Variants in LYPLAL1 observed in about 807,000 individuals in gnomAD.
The protein encoded by LYPLAL1 is lysophospholipase-like protein 1.
A neutral mutation model predicts 19.7 loss-of-function variants in LYPLAL1; 23 were observed. The ratio of observed to expected loss-of-function variants is 1.17; its 90% CI spans 0.84 to 1.65. The LOEUF (loss-of-function observed/expected upper bound fraction) is 1.65. Among genes scored for constraint, LYPLAL1 ranks in the 40% most tolerant of loss-of-function variants. The probability of loss-of-function intolerance (pLI) is 0.00; values close to 1 mark genes in which losing one functional copy is unlikely to be tolerated. For synonymous variants in LYPLAL1, 119 were observed against 96.3 expected (o/e 1.24, Z -1.38); for missense variants, 355 against 279.4 (o/e 1.27, Z -1.93).
At chr1:219,360,694 A>T in the LYPLAL1 span, among the ~76,000 whole-genome samples, 1 of 152,260 alleles carries the variant, frequency 6.6e-6, no homozygotes, top group African/African-American at 2.4e-5. Context: ...AGGGAGATGT[A>T]AGAGGACACT....
chr1:219,228,516 A>G, the LYPLAL1 span, among the ~76,000 whole-genome samples: 8 of 151,738 alleles, frequency 5.3e-5, no homozygotes, highest in African/African-American at 1.9e-4. Flanking sequence ...ATTTTTTTTC[A>G]CGTGACATAA....
At chr1:219,279,067 G>T in the LYPLAL1 span, among the ~76,000 whole-genome samples, 1 of 152,128 alleles carries the variant, frequency 6.6e-6, no homozygotes, top group Non-Finnish European at 1.5e-5. Flanking sequence ...CCAGCATCAA[G>T]AATGCTCCCG....
intron 2 of LYPLAL1, among the ~76,000 whole-genome samples, chr1:219,179,754 T>C (rs1239744798): frequency 1.3e-5 from 2 of 152,196 alleles, no homozygotes; most frequent in African/African-American, 4.8e-5. Flanking sequence ...TTAATAAATA[T>C]TTAGGTTATA....
At chr1:219,367,121 T>C in the LYPLAL1 span, among the ~76,000 whole-genome samples, 2 of 152,088 alleles carry the variant, frequency 1.3e-5, no homozygotes, top group Non-Finnish European at 2.9e-5. Flanking sequence ...TATCTCGCTT[T>C]TATTATTATT....
chr1:219,382,568 T>C, the LYPLAL1 span, among the ~76,000 whole-genome samples: 1 of 152,082 alleles, frequency 6.6e-6, no homozygotes, highest in Non-Finnish European at 1.5e-5. Context: ...TTCACCGTGT[T>C]AGCCAGGACG....
the LYPLAL1 span, among the ~76,000 whole-genome samples, chr1:219,375,137 G>A: frequency 1.3e-5 from 2 of 152,142 alleles, no homozygotes; most frequent in Non-Finnish European, 2.9e-5. Flanking sequence ...AAAGCACAGG[G>A]AATACAGTAG....
chr1:219,391,869 T>C, the LYPLAL1 span, among the ~76,000 whole-genome samples: 1 of 152,296 alleles, frequency 6.6e-6, no homozygotes, highest in South Asian at 2.1e-4. Context: ...ACTTGCACTT[T>C]TATTAACTTC....
chr1:219,390,457 A>G, the LYPLAL1 span, among the ~76,000 whole-genome samples: 4 of 152,204 alleles, frequency 2.6e-5, no homozygotes, highest in Admixed American at 1.3e-4. Context: ...AACCAGACAG[A>G]TTTTCCATCT....
At chr1:219,436,439 A>G in the LYPLAL1 span, among the ~76,000 whole-genome samples, 1 of 152,174 alleles carries the variant, frequency 6.6e-6, no homozygotes, top group East Asian at 1.9e-4. Flanking sequence ...TTTAAAAGAA[A>G]TTTGAACATT....
At chr1:219,438,119 G>A in the LYPLAL1 span, among the ~76,000 whole-genome samples, 1 of 152,178 alleles carries the variant, frequency 6.6e-6, no homozygotes, top group African/African-American at 2.4e-5. Context: ...CTTATAGCAA[G>A]AGGCATAGGC....
chr1:219,178,572 G>A (rs1656006052), intron 1 of LYPLAL1, among the ~76,000 whole-genome samples: 1 of 151,660 alleles, frequency 6.6e-6, no homozygotes, highest in African/African-American at 2.4e-5. Flanking sequence ...TATTTATATG[G>A]CTTTTTATTA....
the LYPLAL1 span, among the ~76,000 whole-genome samples, chr1:219,246,332 A>G: frequency 6.6e-6 from 1 of 152,160 alleles, no homozygotes; most frequent in Non-Finnish European, 1.5e-5. Context: ...CCCAAGGTCT[A>G]GACTTAGACT....
At chr1:219,343,639 A>G in the LYPLAL1 span, among the ~76,000 whole-genome samples, 3 of 152,196 alleles carry the variant, frequency 2.0e-5, no homozygotes, top group African/African-American at 7.2e-5. Context: ...CCATGGCTCA[A>G]AATTCTGGTA....
chr1:219,359,449 G>A, the LYPLAL1 span, among the ~76,000 whole-genome samples: 4 of 152,074 alleles, frequency 2.6e-5, no homozygotes, highest in Non-Finnish European at 5.9e-5. Context: ...TCAGACAAGC[G>A]GTTTTCTTGT....
the LYPLAL1 span, among the ~76,000 whole-genome samples, chr1:219,441,243 T>C: frequency 2.4e-4 from 36 of 152,338 alleles, no homozygotes; most frequent in African/African-American, 7.7e-4. Flanking sequence ...ATCAAAATTA[T>C]AAGATAATCA....
chr1:219,395,610 T>C, the LYPLAL1 span, among the ~76,000 whole-genome samples: 1 of 152,224 alleles, frequency 6.6e-6, no homozygotes, highest in Non-Finnish European at 1.5e-5. Flanking sequence ...GTGTAGAAGC[T>C]CTTAAGTTTA....
chr1:219,279,187 C>T, the LYPLAL1 span, among the ~76,000 whole-genome samples: 4 of 152,170 alleles, frequency 2.6e-5, no homozygotes, highest in Non-Finnish European at 4.4e-5. Context: ...AATGTTCTTG[C>T]ATCCAGGCAA....
chr1:219,238,532 T>C, the LYPLAL1 span, among the ~76,000 whole-genome samples: 1 of 152,010 alleles, frequency 6.6e-6, no homozygotes, highest in Non-Finnish European at 1.5e-5. Flanking sequence ...AGATATGTTT[T>C]CTAGAACTTC....
At chr1:219,439,990 T>TATAC in the LYPLAL1 span, among the ~76,000 whole-genome samples, 2 of 120,284 alleles carry the variant, frequency 1.7e-5, no homozygotes, top group African/African-American at 7.4e-5. Flanking sequence ...TATATATATA[T>TATAC]ACACACATAT....
Sources: allele counts gnomAD v4.1 joint callset (sites outside exome capture counted in the v4.1 genomes callset), GRCh38; gene constraint gnomAD v4.1.1; transcripts MANE v1.5; gene names NCBI Gene and HGNC (gene_info 2026-07-23, HGNC 2026-07-21).